The following DMXL1 variants were observed in gnomAD, a reference collection of about 807,000 sequenced individuals.
DMXL1 encodes dmX-like protein 1.
DMXL1 carries 99 observed loss-of-function variants against 319.2 expected under a neutral mutation model. The ratio of observed to expected loss-of-function variants is 0.31; its 90% CI spans 0.26 to 0.37. The LOEUF (loss-of-function observed/expected upper bound fraction) is 0.37, where lower values mean the gene tolerates loss of function less well. Among genes scored for constraint, DMXL1 ranks in the 10% least tolerant of loss-of-function variants. The pLI is 1.00. For synonymous variants in DMXL1, 1,385 were observed against 1,235.2 expected, an observed-to-expected ratio of 1.12 and a Z score of -2.54; for missense variants, 3,745 against 3,595.6, an observed-to-expected ratio of 1.04 and a Z score of -1.06.
At position 119,098,026 on chromosome 5, in the gene DMXL1, A is replaced by G; in HGVS notation, c.135A>G (p.Glu45=). 6.2e-7 allele frequency: 1 copy of G among 1,609,074 alleles called. No individual in the cohort carries two copies. Among genetic ancestry groups the G allele is most frequent in the Non-Finnish European group, 8.5e-7 (1 of 1,178,664 alleles). ...TTGTAATACTGGGAAGCGATTTTGA[A>G]AGATTACAGATAATCCCAGGAGCTA... ...CDIVILGSDF[E]RLQIIPGAKH... Residue 45 remains glutamate, a synonymous_variant, in exon 2 of 44, where the codon GAA becomes GAG. Transcript: ENST00000539542.
At position 119,071,599 on chromosome 5, in the gene DMXL1, T is replaced by G; in HGVS notation, c.30T>G (p.Ala10=). The change falls in exon 1 of 44, where the codon GCT becomes GCG. Residue 10 remains alanine, a synonymous_variant. Coordinates refer to ENST00000539542, the MANE Select transcript of DMXL1 (RefSeq NM_001290321.3). MNLHQVLTG[A]VNPGDHCFSV... The stretch of plus-strand genomic sequence containing the variant: ...ACCTGCACCAGGTGCTGACCGGGGC[T>G]GTGAACCCTGGCGACCACTGCTTCT... The G allele has an allele frequency of 6.2e-7, 1 of 1,605,368 alleles. No homozygotes were observed. The highest frequency in any genetic ancestry group is 1.3e-5 in the African/African-American group (1 of 74,750).
intron 39 of DMXL1, among the ~76,000 whole-genome samples, chr5:119,235,889 G>T (rs1196756485): frequency 6.6e-6 from 1 of 151,950 alleles, no homozygotes; most frequent in East Asian, 1.9e-4. Flanking sequence ...ATATTTTTAG[G>T]TATACAGAGA....
At position 119,165,185 on chromosome 5, in the gene DMXL1, A is replaced by G; in HGVS notation, c.4875A>G (p.Val1625=). 6.4e-7 allele frequency: 1 copy of G among 1,570,392 alleles called. No individual in the cohort carries two copies. The highest frequency in any genetic ancestry group is 1.2e-5 in the South Asian group (1 of 84,216). ...TGATCAATATTTTTTGATTATAGGT[A>G]GCTAAAGCAGCCTTTTATAGAAAGA... is the stretch of plus-strand genomic sequence containing the variant. ...TRILRKCIEK[V]AKAAFYRKND... The change falls in exon 21 of 44, where the codon GTA becomes GTG. Residue 1625 remains valine (V), a splice_region_variant and synonymous_variant. Coordinates refer to ENST00000539542, the MANE Select transcript of DMXL1 (RefSeq NM_001290321.3).
intron 9 of DMXL1, among the ~76,000 whole-genome samples, chr5:119,125,523 C>T (rs1005910970): frequency 1.3e-5 from 2 of 152,056 alleles, no homozygotes; most frequent in Non-Finnish European, 2.9e-5. Context: ...AAGGAGGGCA[C>T]TAAATGTGGA....
chr5:119,098,090 A>G lies in DMXL1; in HGVS notation c.199A>G (p.Met67Val), dbSNP rs148630628. Residue 67 changes from methionine to valine, a missense_variant, in exon 2 of 44, where the codon ATG becomes GTG. Coordinates refer to ENST00000539542, the MANE Select transcript of DMXL1 (RefSeq NM_001290321.3). ...NIQVGCVDCS[M>V]QQGKIAASYG... ...TCAAGTGGGATGTGTAGACTGTTCA[A>G]TGCAACAAGGCAAGGTTTGTAATCT... 8.2e-5 allele frequency: 131 copies of G among 1,599,172 alleles called. No individual in the cohort carries two copies. Among genetic ancestry groups the G allele is most frequent in the African/African-American group, 7.7e-4 (57 of 73,798 alleles).
intron 9 of DMXL1, among the ~76,000 whole-genome samples, chr5:119,125,739 T>G (rs1227295406): frequency 6.6e-6 from 1 of 152,032 alleles, no homozygotes; most frequent in African/African-American, 2.4e-5. Context: ...TACTTTTTTG[T>G]ATTTTTAATA....
chr5:119,119,403 C>T (rs553680418), intron 8 of DMXL1, among the ~76,000 whole-genome samples: 4 of 152,196 alleles, frequency 2.6e-5, no homozygotes, highest in Admixed American at 2.0e-4. Context: ...AACTTGGGGT[C>T]TTTACAAATT....
In DMXL1 at chr5:119,247,405, C is replaced by T. The variant is rs1293870935; in HGVS notation, c.*186C>T. 3 of 512,010 alleles carry T rather than the reference C, an allele frequency of 5.9e-6. No homozygotes were observed. Among genetic ancestry groups the T allele is most frequent in the Non-Finnish European group, 1.0e-5 (3 of 285,970 alleles). The allele number at this position is 512,010 out of a possible 1,614,324, so 31.7% of individuals were successfully genotyped here. On this transcript the variant is annotated 3_prime_UTR_variant, in exon 44 of 44. Transcript: ENST00000539542. ...AACAAGGTCATTCAGAAGTAGATTACATTGCCTAAAGTAGAATGTGTAAGT... is the reference window on the plus strand; with the variant it reads ...AACAAGGTCATTCAGAAGTAGATTATATTGCCTAAAGTAGAATGTGTAAGT...
chr5:119,124,589 CAG>C (rs1187375825), intron 9 of DMXL1, among the ~76,000 whole-genome samples: 2 of 115,602 alleles, frequency 1.7e-5, no homozygotes, highest in African/African-American at 3.3e-5. Context: ...TTTTTTGAGA[CAG>C]AGTCTTGCTC....
intron 13 of DMXL1, among the ~76,000 whole-genome samples, 177 bp downstream of exon 13, chr5:119,134,566 C>T (rs955906685): frequency 2.0e-5 from 3 of 152,070 alleles, no homozygotes; most frequent in Non-Finnish European, 4.4e-5. Context: ...AAAAGGAAAC[C>T]ATTTCTTTCA....
intron 19 of DMXL1, among the ~76,000 whole-genome samples, chr5:119,161,902 A>G (rs1010454006): frequency 9.2e-5 from 14 of 152,194 alleles, no homozygotes; most frequent in African/African-American, 3.4e-4. Flanking sequence ...TGGCAGGAAC[A>G]CAGAGCTACC....
rs1774330092 is a variant in DMXL1, at chr5:119,170,493, G to A, written c.5702G>A (p.Ser1901Asn). 1 of 1,613,818 alleles carries A rather than the reference G, an allele frequency of 6.2e-7. No homozygotes were observed. Among genetic ancestry groups the A allele is most frequent in the South Asian group, 1.1e-5 (1 of 91,064 alleles). ...FYRASSFLDT[S>N]KDCSPSSPLK... ...AGGGCTTCTAGTTTTCTGGATACTA[G>A]TAAAGACTGTTCTCCTTCTTCTCCA... Residue 1901 changes from serine to asparagine, a missense_variant, in exon 24 of 44, where the codon AGT (serine) becomes AAT (asparagine). Around this residue, in one of 4 missense-constraint regions of DMXL1, gnomAD observed 1,382 missense variants for 1,269.5 expected, o/e 1.09. Coordinates refer to ENST00000539542, the MANE Select transcript of DMXL1 (RefSeq NM_001290321.3).
chr5:119,131,622 A>G (rs1042773903), intron 10 of DMXL1, among the ~76,000 whole-genome samples: 2 of 152,206 alleles, frequency 1.3e-5, no homozygotes, highest in Non-Finnish European at 2.9e-5. Flanking sequence ...TGAGGTCCAG[A>G]AAAGTAGTGT....
rs780994581 is a variant in DMXL1, at chr5:119,147,510, A to C, written c.2911+40A>C. Reference sequence around the variant, plus strand: ...TGAAAAGAGACTAATTTTGTAACACATGAGTATTTACCAGGTATTTAAAAA... The same window carrying C: ...TGAAAAGAGACTAATTTTGTAACACCTGAGTATTTACCAGGTATTTAAAAA... On this transcript the variant is annotated intron_variant, in intron 17 of 43. Coordinates refer to ENST00000539542, the MANE Select transcript of DMXL1 (RefSeq NM_001290321.3). The C allele has an allele frequency of 4.3e-6, 6 of 1,385,530 alleles. No homozygotes were observed. In the Admixed American group the frequency reaches 8.5e-5, roughly 20 times the overall value. The allele number at this position is 1,385,530 out of a possible 1,614,324, so 85.8% of individuals were successfully genotyped here. A position where few individuals can be genotyped will look rare whatever the true frequency, so the allele number is the denominator to read the frequency against.
intron 4 of DMXL1, 45 bp from the exon 5 acceptor site, chr5:119,110,106 C>T (rs765840834): frequency 6.6e-7 from 1 of 1,503,836 alleles, no homozygotes; most frequent in Non-Finnish European, 9.0e-7. Flanking sequence ...AATTAAGTCA[C>T]TATTAAATAC....
Position 119,247,139 on chromosome 5 carries a change from A to G in DMXL1, c.9067A>G (p.Thr3023Ala). ...NHIFSCGADG[T>A]MKMRILPDQF... ...CATTTTCTCCTGTGGAGCTGATGGA[A>G]CAATGAAAATGAGAATACTGCCAGA... The change falls in exon 44 of 44, where the codon ACA becomes GCA. Residue 3023 changes from threonine (T) to alanine (A), a missense_variant. By Grantham distance (58) the Thr-to-Ala change is moderately conservative. Coordinates refer to ENST00000539542, the MANE Select transcript of DMXL1 (RefSeq NM_001290321.3). 1 of 1,614,164 alleles carries G rather than the reference A, an allele frequency of 6.2e-7. No individual in the cohort carries two copies.
chr5:119,129,089 G>A, intron 9 of DMXL1, 122 bp from the exon 10 acceptor site: 2 of 661,112 alleles, frequency 3.0e-6, no homozygotes, highest in Non-Finnish European at 4.9e-6. Context: ...AAATTAAAAA[G>A]TGAAAGAGAA....
chr5:119,146,818 A>G lies in DMXL1; in HGVS notation c.2570-19A>G. ...CTTTTACACATAGTAACAGTGAAAA[A>G]TATCATTAATACCAACAGGCAGCTC... On this transcript the variant is annotated intron_variant, in intron 15 of 43. Coordinates refer to ENST00000539542, the MANE Select transcript of DMXL1 (RefSeq NM_001290321.3). The G allele has an allele frequency of 1.2e-6, 2 of 1,602,816 alleles. No homozygotes were observed. The highest frequency in any genetic ancestry group is 1.1e-5 in the South Asian group (1 of 89,200).
At chr5:119,115,076 C>T (rs1189632796) in intron 6 of DMXL1, among the ~76,000 whole-genome samples, 1 of 152,138 alleles carries the variant, frequency 6.6e-6, no homozygotes, top group Non-Finnish European at 1.5e-5. Flanking sequence ...TATAAATCTG[C>T]CATTTACCAG....
Sources: gnomAD v4.1 joint callset for allele counts (sites outside exome capture counted in the v4.1 genomes callset) on GRCh38, gnomAD v4.1.1 for gene constraint, gnomAD v4.1.1 regional missense constraint, MANE v1.5 for transcripts, NCBI Gene and HGNC (gene_info 2026-07-23, HGNC 2026-07-21) for gene names.